FOXP3: variants seen among roughly 807,000 people sequenced by gnomAD.
FOXP3 encodes forkhead box protein P3.
Under a neutral mutation model 31.2 loss-of-function variants are expected in FOXP3, and 5 were observed. That is an observed-to-expected ratio of 0.16 (90% CI 0.08 to 0.34). The LOEUF is 0.34. Among genes scored for constraint, FOXP3 ranks in the 10% least tolerant of loss-of-function variants. The pLI, the probability that FOXP3 is intolerant of heterozygous loss-of-function variation, is 1.00. For synonymous variants in FOXP3, 141 were observed against 148.8 expected (o/e 0.95, Z 0.38); for missense variants, 251 against 363.0 (o/e 0.69, Z 2.51).
chrX:49,253,898 G>A lies in FOXP3; in HGVS notation c.967+19C>T. ...ATTAGGAGCTTGGGGGCACCGTGTA[G>A]TGCAAGGACCATTCTTACCTGGGAA... On this transcript the variant is annotated intron_variant, in intron 9 of 11. Transcript: ENST00000376207. 2.5e-6 allele frequency: 3 copies of A among 1,211,191 alleles called. No individual in the cohort carries two copies. The highest frequency in any genetic ancestry group is 2.3e-4 in the Middle Eastern group (1 of 4,354).
chrX:49,254,988 G>A (rs1256526177), intron 8 of FOXP3, among the ~76,000 whole-genome samples: 4 of 101,545 alleles, frequency 3.9e-5, no homozygotes, highest in Admixed American at 2.2e-4. Flanking sequence ...TTGATCTGTC[G>A]CCTAGGCTGG....
In FOXP3 at chrX:49,251,139, C is replaced by A. The variant is rs1203968188; in HGVS notation, c.*195G>T. On this transcript the variant is annotated 3_prime_UTR_variant, in exon 12 of 12. Transcript: ENST00000376207. ...CCAGGACCGGGGCCCCTCTGAGCAGCCTTGGGGCAAAGGATATGATGGGGG... is the reference window on the plus strand; with the variant it reads ...CCAGGACCGGGGCCCCTCTGAGCAGACTTGGGGCAAAGGATATGATGGGGG... 7.3e-6 allele frequency: 4 copies of A among 550,094 alleles called. No individual in the cohort carries two copies. Among genetic ancestry groups the A allele is most frequent in the Non-Finnish European group, 1.2e-5 (4 of 343,101 alleles). The allele number at this position is 550,094 out of a possible 1,213,427, so 45.3% of individuals were successfully genotyped here.
Position 49,250,493 on chromosome X carries a change from T to A in FOXP3, c.*841A>T, listed in dbSNP as rs1467152040. 1 of 485,225 alleles carries A rather than the reference T, an allele frequency of 2.1e-6. No homozygotes were observed. The highest frequency in any genetic ancestry group is 2.7e-5 in the Admixed American group (1 of 36,849). The allele number at this position is 485,225 out of a possible 1,213,427, so 40.0% of individuals were successfully genotyped here. A position where few individuals can be genotyped will look rare whatever the true frequency, so the allele number is the denominator to read the frequency against. ...GGTACTGTGGGTTGGGGGCCTTGGATCCCAAATAAATGAGTAGTTCCTCTG... is the reference window on the plus strand; with the variant it reads ...GGTACTGTGGGTTGGGGGCCTTGGAACCCAAATAAATGAGTAGTTCCTCTG... On this transcript the variant is annotated 3_prime_UTR_variant, in exon 12 of 12. Coordinates refer to ENST00000376207, the MANE Select transcript of FOXP3 (RefSeq NM_014009.4).
rs782304327 is a variant in FOXP3, at chrX:49,258,438, G to A, written c.68C>T (p.Ser23Leu). Residue 23 changes from serine (S) to leucine (L), a missense_variant, in exon 2 of 12, where the codon TCG becomes TTG. Physicochemically the swap from Ser to Leu is moderately radical, Grantham distance 145. Coordinates refer to ENST00000376207, the MANE Select transcript of FOXP3 (RefSeq NM_014009.4). ...SLALGPSPGA[S>L]PSWRAAPKAS... ...TTTGGGTGCAGCCCTCCAGCTGGGC[G>A]AGGCTCCTGGGGATGGGCCAAGGGC... The A allele has an allele frequency of 2.1e-5, 25 of 1,186,442 alleles. No individual in the cohort carries two copies. In the East Asian group the frequency reaches 2.8e-4, roughly 13 times the overall value.
intron 1 of FOXP3, among the ~76,000 whole-genome samples, chrX:49,262,833 AG>A: frequency 9.0e-6 from 1 of 111,720 alleles, no homozygotes; most frequent in East Asian, 2.8e-4. Context: ...TAACCTCTAT[AG>A]TAAATGGAAA....
Position 49,255,760 on chromosome X carries a change from T to G in FOXP3, c.690A>C (p.Ala230=). ...CCATCTCTCTCTGGAGGAGACATTG[T>G]GCCCTGCCCTTCTCATCCAGAAGAT... ...ADHLLDEKGR[A]QCLLQREMVQ... is the part of the protein sequence containing the mutation. The change falls in exon 7 of 12, where the codon GCA becomes GCC. Residue 230 remains alanine (A), a synonymous_variant. Transcript: ENST00000376207. 1 of 1,209,259 alleles carries G rather than the reference T, an allele frequency of 8.3e-7. No homozygotes were observed. The highest frequency in any genetic ancestry group is 1.7e-5 in the African/African-American group (1 of 57,833).
At position 49,250,617 on chromosome X, in the gene FOXP3, G is replaced by T; in HGVS notation, c.*717C>A. Reference sequence around the variant, plus strand: ...TTTTGGCAAGGCAGTGTGTGTGGCTGTGTGTGTCTGCACGGGACTCAAGAG... The same window carrying T: ...TTTTGGCAAGGCAGTGTGTGTGGCTTTGTGTGTCTGCACGGGACTCAAGAG... On this transcript the variant is annotated 3_prime_UTR_variant, in exon 12 of 12. Transcript: ENST00000376207. The T allele has an allele frequency of 9.0e-6, 3 of 333,387 alleles. No individual in the cohort carries two copies. Among genetic ancestry groups the T allele is most frequent in the Non-Finnish European group, 1.7e-5 (3 of 178,376 alleles). 27.5% of individuals were successfully genotyped at this position (333,387 alleles called of 1,213,427 possible).
chrX:49,251,131 C>T lies in FOXP3; in HGVS notation c.*203G>A. The T allele has an allele frequency of 2.0e-6, 1 of 501,639 alleles. No individual in the cohort carries two copies. The highest frequency in any genetic ancestry group is 3.2e-6 in the Non-Finnish European group (1 of 313,507). The allele number at this position is 501,639 out of a possible 1,213,427, so 41.3% of individuals were successfully genotyped here. ...GGCTGGGGCCAGGACCGGGGCCCCT[C>T]TGAGCAGCCTTGGGGCAAAGGATAT... On this transcript the variant is annotated 3_prime_UTR_variant, in exon 12 of 12. Coordinates refer to ENST00000376207, the MANE Select transcript of FOXP3 (RefSeq NM_014009.4).
chrX:49,261,519 C>T (rs912847419), intron 1 of FOXP3, among the ~76,000 whole-genome samples: 1 of 112,453 alleles, frequency 8.9e-6, no homozygotes, highest in Admixed American at 9.3e-5. Flanking sequence ...TCAAGGTTTT[C>T]GGGGACCAGC....
rs369903891 is a variant in FOXP3 at position 49,253,886 on chromosome X, G to A, written c.967+31C>T. On this transcript the variant is annotated intron_variant, in intron 9 of 11. Coordinates refer to ENST00000376207, the MANE Select transcript of FOXP3 (RefSeq NM_014009.4). ...GAGCCTGTCAGGATTAGGAGCTTGG[G>A]GGCACCGTGTAGTGCAAGGACCATT... is the stretch of plus-strand genomic sequence containing the variant. 5.6e-5 allele frequency: 68 copies of A among 1,207,506 alleles called. No homozygotes were observed. In the African/African-American group the frequency reaches 1.2e-3, roughly 21 times the overall value.
At chrX:49,257,151 T>A (rs1219005538) in intron 4 of FOXP3, 139 bp from the exon 5 acceptor site, 3 of 585,596 alleles carry the variant, frequency 5.1e-6, no homozygotes, top group Non-Finnish European at 8.0e-6. Flanking sequence ...GTCCCCAAAG[T>A]CCCAGGCTTC....
chrX:49,259,158 G>T, intron 1 of FOXP3: 1 of 525,744 alleles, frequency 1.9e-6, no homozygotes, highest in South Asian at 2.5e-5. Context: ...GATGTAGTGG[G>T]CAAGAGGGAG....
At chrX:49,255,823 A>G (rs1281365791) in intron 6 of FOXP3, 21 bp from the exon 7 acceptor site, 1 of 1,177,376 alleles carries the variant, frequency 8.5e-7, no homozygotes, top group East Asian at 3.0e-5. Context: ...AGAAGATTCC[A>G]TGCAGGTGAC....
chrX:49,251,393 A>C lies in FOXP3; in HGVS notation c.1237T>G (p.Phe413Val). ...GGCCTCTGGCTCCGTTTCTTGCGGAACTCCAGCTCATCCACGGTCCACACA... is the reference window on the plus strand; with the variant it reads ...GGCCTCTGGCTCCGTTTCTTGCGGACCTCCAGCTCATCCACGGTCCACACA... ...GAVWTVDELE[F>V]RKKRSQRPSR... The change falls in exon 12 of 12, where the codon TTC becomes GTC. Residue 413 changes from phenylalanine (F) to valine (V), a missense_variant. Around this residue, in one of 4 missense-constraint regions of FOXP3, gnomAD observed 36 missense variants for 88.1 expected, o/e 0.41. Transcript: ENST00000376207. 1.7e-6 allele frequency: 2 copies of C among 1,210,468 alleles called. No homozygotes were observed. The highest frequency in any genetic ancestry group is 2.2e-6 in the Non-Finnish European group (2 of 895,062).
chrX:49,261,783 T>TTC (rs2066111790), intron 1 of FOXP3, among the ~76,000 whole-genome samples: 3 of 111,943 alleles, frequency 2.7e-5, no homozygotes, highest in African/African-American at 6.5e-5. Context: ...AACTGAGGCC[T>TTC]GCAGTTGGGG....
intron 8 of FOXP3, 104 bp from the exon 9 acceptor site, chrX:49,254,171 G>C (rs891639149): frequency 1.0e-6 from 1 of 974,983 alleles, no homozygotes; most frequent in Non-Finnish European, 1.4e-6. Context: ...TTGCTCTGTC[G>C]CCCAGGCTGG....
At chrX:49,256,220 A>AAGAGAAAGAG (rs2066069920) in intron 6 of FOXP3, among the ~76,000 whole-genome samples, 1 of 67,014 alleles carries the variant, frequency 1.5e-5, no homozygotes, top group Admixed American at 1.8e-4. Flanking sequence ...GAGAGAGAGA[A>AAGAGAAAGAG]AGAGAGAGAG....
chrX:49,260,208 G>A (rs1179746172), intron 1 of FOXP3, among the ~76,000 whole-genome samples: 1 of 111,419 alleles, frequency 9.0e-6, no homozygotes, highest in Non-Finnish European at 1.9e-5. Context: ...GCTCCTTCAA[G>A]CCAAGAAATA....
chrX:49,264,575 G>T, intron 1 of FOXP3, 86 bp downstream of exon 1: 1 of 541,313 alleles, frequency 1.8e-6, no homozygotes. Flanking sequence ...TGTACCAGAG[G>T]GCCCCTGACC....
Sources: gnomAD v4.1 joint callset for allele counts (sites outside exome capture counted in the v4.1 genomes callset) on GRCh38, gnomAD v4.1.1 for gene constraint, gnomAD v4.1.1 regional missense constraint, MANE v1.5 for transcripts, NCBI Gene and HGNC (gene_info 2026-07-23, HGNC 2026-07-21) for gene names.